GSG1L: variants seen among roughly 807,000 people sequenced by gnomAD.
The protein encoded by GSG1L is germ cell-specific gene 1-like protein.
GSG1L carries 24 observed loss-of-function variants against 42.1 expected under a neutral mutation model. The observed-to-expected ratio is 0.57, with a 90% CI of 0.41 to 0.80. GSG1L has a LOEUF of 0.80. GSG1L is among the 30% of genes least tolerant of loss of function. The pLI, the probability that GSG1L is intolerant of heterozygous loss-of-function variation, is 0.00. For missense variants in GSG1L, 445 were observed against 472.2 expected (o/e 0.94, Z 0.53); for synonymous variants, 215 against 203.5 (o/e 1.06, Z -0.48).
chr16:28,061,631 C>T (rs528826902), intron 1 of GSG1L, among the ~76,000 whole-genome samples: 2 of 152,330 alleles, frequency 1.3e-5, no homozygotes, highest in South Asian at 4.1e-4. Context: ...CGGGCTGGCC[C>T]TCACAGAGTG....
chr16:27,939,595 G>A lies in GSG1L; in HGVS notation c.397+23561C>T, dbSNP rs568417408. 3.9e-5 allele frequency among the ~76,000 whole-genome samples: 6 copies of A among 152,312 alleles called. No individual in the cohort carries two copies. In the East Asian group the frequency reaches 1.2e-3, roughly 29 times the overall value. ...CAGGCCACCAGAACAGGACTTCTGAGTTACAAGAGTCTGGGCTTTTAAGTT... is the reference window on the plus strand; with the variant it reads ...CAGGCCACCAGAACAGGACTTCTGAATTACAAGAGTCTGGGCTTTTAAGTT... On this transcript the variant is annotated intron_variant, in intron 2 of 6. Coordinates refer to ENST00000447459, the MANE Select transcript of GSG1L (RefSeq NM_001109763.2).
chr16:27,972,213 G>A (rs945545305), intron 1 of GSG1L, among the ~76,000 whole-genome samples: 3 of 152,256 alleles, frequency 2.0e-5, no homozygotes, highest in Admixed American at 6.5e-5. Flanking sequence ...CATGGACAAG[G>A]CTAAACAGAA....
intron 3 of GSG1L, among the ~76,000 whole-genome samples, chr16:27,855,719 CAAAAAAA>C (rs397686463): frequency 6.5e-5 from 4 of 61,724 alleles, no homozygotes; most frequent in African/African-American, 1.9e-4. Flanking sequence ...GACTCAGTCT[CAAAAAAA>C]AAAAAAAAAA....
intron 6 of GSG1L, among the ~76,000 whole-genome samples, chr16:27,802,088 G>C (rs1479211000): frequency 6.6e-6 from 1 of 151,982 alleles, no homozygotes; most frequent in Non-Finnish European, 1.5e-5. Context: ...GTCATCCTGA[G>C]TGGGATGAGG....
intron 3 of GSG1L, among the ~76,000 whole-genome samples, chr16:27,856,005 C>A (rs965921287): frequency 9.9e-5 from 15 of 152,138 alleles, no homozygotes; most frequent in Non-Finnish European, 2.1e-4. Flanking sequence ...CACCCCTCTG[C>A]GGTGCTTAAG....
intron 1 of GSG1L, among the ~76,000 whole-genome samples, chr16:27,995,685 A>G (rs1463066006): frequency 6.6e-6 from 1 of 152,058 alleles, no homozygotes; most frequent in Admixed American, 6.5e-5. Flanking sequence ...ACGTGAACAC[A>G]AAGTGGGCCT....
chr16:27,866,705 GGGACTA>G (rs2083730461), intron 3 of GSG1L, among the ~76,000 whole-genome samples: 1 of 151,194 alleles, frequency 6.6e-6, no homozygotes, highest in Non-Finnish European at 1.5e-5. Context: ...CCAAGTAGCT[GGGACTA>G]CAGACTTGCA....
intron 1 of GSG1L, among the ~76,000 whole-genome samples, 173 bp from the exon 2 acceptor site, chr16:27,963,376 C>T (rs1056583022): frequency 6.6e-6 from 1 of 152,024 alleles, no homozygotes; most frequent in African/African-American, 2.4e-5. Flanking sequence ...GTGTGGATGG[C>T]GAAACTGCCA....
chr16:27,815,061 CT>C (rs2083079450), intron 5 of GSG1L, among the ~76,000 whole-genome samples: 1 of 152,110 alleles, frequency 6.6e-6, no homozygotes, highest in Admixed American at 6.5e-5. Flanking sequence ...TCCTAAAGTG[CT>C]AGGATTACAG....
At chr16:28,030,880 G>T (rs1260550558) in intron 1 of GSG1L, among the ~76,000 whole-genome samples, 1 of 149,454 alleles carries the variant, frequency 6.7e-6, no homozygotes, top group Non-Finnish European at 1.5e-5. Context: ...GGATGGGATG[G>T]GTTGGGATAG....
intron 1 of GSG1L, among the ~76,000 whole-genome samples, chr16:27,969,790 C>T (rs2085173183): frequency 6.6e-6 from 1 of 152,168 alleles, no homozygotes; most frequent in African/African-American, 2.4e-5. Flanking sequence ...ACACTTTTTT[C>T]CAAAGCAGAT....
intron 2 of GSG1L, among the ~76,000 whole-genome samples, chr16:27,889,590 T>C (rs1157380501): frequency 6.6e-6 from 1 of 152,192 alleles, no homozygotes; most frequent in Non-Finnish European, 1.5e-5. Context: ...AAATGGGAAC[T>C]TATATTTCTC....
chr16:27,914,955 C>T (rs984232762), intron 2 of GSG1L, among the ~76,000 whole-genome samples: 2 of 152,020 alleles, frequency 1.3e-5, no homozygotes, highest in Admixed American at 6.5e-5. Context: ...GCCTAAACTT[C>T]GGAGCCCTGT....
chr16:27,801,722 T>A lies in GSG1L; in HGVS notation c.898+5765A>T, dbSNP rs2082884585. Reference sequence around the variant, plus strand: ...CTGCCCAACCAATGGAGCTGCTGACTGACATCACCTAGCGGTCCAGGGTGT... The same window carrying A: ...CTGCCCAACCAATGGAGCTGCTGACAGACATCACCTAGCGGTCCAGGGTGT... On this transcript the variant is annotated intron_variant, in intron 6 of 6. Coordinates refer to ENST00000447459, the MANE Select transcript of GSG1L (RefSeq NM_001109763.2). Among the ~76,000 whole-genome samples, 3 of 152,280 alleles carry A rather than the reference T, an allele frequency of 2.0e-5. No individual in the cohort carries two copies. The South Asian group carries it at 6.2e-4, about 32-fold the overall frequency.
chr16:27,944,729 A>G (rs1375065284), intron 2 of GSG1L, among the ~76,000 whole-genome samples: 1 of 152,016 alleles, frequency 6.6e-6, no homozygotes, highest in Non-Finnish European at 1.5e-5. Context: ...AAGTCCACAT[A>G]TTCTATGCCT....
intron 1 of GSG1L, among the ~76,000 whole-genome samples, chr16:28,039,601 T>G (rs1379410230): frequency 1.5e-5 from 2 of 136,962 alleles, no homozygotes; most frequent in African/African-American, 2.7e-5. Context: ...ATACCCACAC[T>G]TGCACACACA....
chr16:27,913,239 C>T (rs1344954669), intron 2 of GSG1L, among the ~76,000 whole-genome samples: 1 of 152,016 alleles, frequency 6.6e-6, no homozygotes, highest in African/African-American at 2.4e-5. Context: ...CAAAGATAAG[C>T]AAAAAGATAC....
At chr16:28,023,310 T>C (rs2085865412) in intron 1 of GSG1L, among the ~76,000 whole-genome samples, 1 of 152,240 alleles carries the variant, frequency 6.6e-6, no homozygotes, top group Non-Finnish European at 1.5e-5. Flanking sequence ...TCATCCTTTT[T>C]AGTGGCTGCA....
At chr16:27,898,028 G>A (rs948220681) in intron 2 of GSG1L, among the ~76,000 whole-genome samples, 42 of 152,314 alleles carry the variant, frequency 2.8e-4, no homozygotes, top group African/African-American at 1.0e-3. Flanking sequence ...CATTGGAAAG[G>A]ATTTTGACAA....
Sources: gnomAD v4.1 joint callset for allele counts (sites outside exome capture counted in the v4.1 genomes callset) on GRCh38, gnomAD v4.1.1 for gene constraint, MANE v1.5 for transcripts, NCBI Gene and HGNC (gene_info 2026-07-23, HGNC 2026-07-21) for gene names.